PRRC2A: variants seen among roughly 807,000 people sequenced by gnomAD.
PRRC2A encodes the protein protein PRRC2A.
A neutral mutation model predicts 224.6 loss-of-function variants in PRRC2A; 59 were observed. The ratio of observed to expected loss-of-function variants is 0.26; its 90% confidence interval spans 0.21 to 0.33. The LOEUF (loss-of-function observed/expected upper bound fraction) is 0.33, where lower values mean the gene tolerates loss of function less well. Among genes scored for constraint, PRRC2A ranks in the 10% least tolerant of loss-of-function variants. The pLI, the probability that PRRC2A is intolerant of heterozygous loss-of-function variation, is 1.00. For missense variants in PRRC2A, 3,095 were observed against 2,880.7 expected (o/e 1.07, Z -1.70); for synonymous variants, 1,194 against 1,109.5 (o/e 1.08, Z -1.51).
intron 18 of PRRC2A, 91 bp from the exon 19 acceptor site, chr6:31,634,145 A>T: frequency 6.4e-7 from 1 of 1,566,656 alleles, no homozygotes; most frequent in Non-Finnish European, 8.6e-7. Context: ...TGTTGTCCCC[A>T]CACCCTGTGT....
intron 18 of PRRC2A, 109 bp downstream of exon 18, chr6:31,634,098 C>G (rs970492982): frequency 4.1e-5 from 64 of 1,572,052 alleles, no homozygotes; most frequent in Non-Finnish European, 4.6e-5. Context: ...TGTTTTTACT[C>G]CAGAATTCTC....
At chr6:31,621,957 T>A (rs1298885130) in intron 1 of PRRC2A, among the ~76,000 whole-genome samples, 1 of 152,226 alleles carries the variant, frequency 6.6e-6, no homozygotes, top group Non-Finnish European at 1.5e-5. Context: ...CTAAGGTGGC[T>A]CCATAATGCT....
chr6:31,629,095 A>G (rs1776240900), intron 12 of PRRC2A, 49 bp from the exon 13 acceptor site: 2 of 1,577,252 alleles, frequency 1.3e-6, no homozygotes, highest in East Asian at 2.2e-5. Context: ...GTGTTCATGG[A>G]GTGTCTATTG....
At chr6:31,623,048 G>C (rs769107759) in intron 2 of PRRC2A, 147 bp downstream of exon 2, 1 of 793,988 alleles carries the variant, frequency 1.3e-6, no homozygotes, top group East Asian at 2.4e-5. Flanking sequence ...GTCCTTTAAA[G>C]GGGGTGTGGG....
chr6:31,632,760 C>A lies in PRRC2A; in HGVS notation c.4087C>A (p.Pro1363Thr), dbSNP rs1188831338. Residue 1363 changes from proline (P) to threonine (T), a missense_variant, in exon 16 of 31, where the codon CCA (proline) becomes ACA (threonine). Pro to Thr is a conservative substitution (Grantham distance 38). Around this residue, in one of 8 missense-constraint regions of PRRC2A, gnomAD observed 2,001 missense variants for 1,764.9 expected, o/e 1.13. Transcript: ENST00000376033. ...TGGGGGAGGTGGAGGTGGAGCCGTA[C>A]CAGGTATTTCAGCCATGTCCCGCGG... ...TPGGGGGGAV[P>T]GISAMSRGDL... 6.2e-7 allele frequency: 1 copy of A among 1,613,080 alleles called. No homozygotes were observed. The highest frequency in any genetic ancestry group is 8.5e-7 in the Non-Finnish European group (1 of 1,180,000).
In PRRC2A at chr6:31,629,676, T is replaced by C; in HGVS notation, c.2085T>C (p.Ala695=). 1 of 1,604,656 alleles carries C rather than the reference T, an allele frequency of 6.2e-7. No homozygotes were observed. Among genetic ancestry groups the C allele is most frequent in the South Asian group, 1.1e-5 (1 of 90,500 alleles). ...VTLGAVPAPQ[A]PPPPPKALYP... ...TGGGGGCTGTGCCAGCTCCACAGGC[T>C]CCACCCCCGCCCCCCAAGGCCCTGT... Residue 695 remains alanine (A), a synonymous_variant, in exon 14 of 31, where the codon GCT becomes GCC. Transcript: ENST00000376033.
chr6:31,631,325 G>C lies in PRRC2A; in HGVS notation c.2652G>C (p.Glu884Asp), dbSNP rs751449303. The C allele has an allele frequency of 1.2e-6, 2 of 1,603,010 alleles. No individual in the cohort carries two copies. Among genetic ancestry groups the C allele is most frequent in the Admixed American group, 1.8e-5 (1 of 57,068 alleles). The change falls in exon 16 of 31, where the codon GAG (glutamate) becomes GAC (aspartate). Residue 884 changes from glutamate to aspartate, a missense_variant. Glu to Asp is a conservative substitution (Grantham distance 45). This residue lies in a region of PRRC2A where 2,001 missense variants were observed against 1,764.9 expected (regional missense o/e 1.13). Transcript: ENST00000376033. The surrounding 1 kb of genome is among the most constrained non-coding windows in gnomAD (Gnocchi z 4.5). ...AKIQTPPPKK[E>D]PPKEETAQLT... ...TACAAACTCCACCACCCAAGAAGGA[G>C]CCCCCTAAGGAGGAGACTGCACAGC...
At position 31,628,027 on chromosome 6, in the gene PRRC2A, C is replaced by G; in HGVS notation, c.1553C>G (p.Pro518Arg). The change falls in exon 12 of 31, where the codon CCA (proline) becomes CGA (arginine). Residue 518 changes from proline to arginine, a missense_variant. Transcript: ENST00000376033. The stretch of plus-strand genomic sequence containing the variant: ...GCCCCACCTGCTGCCCCTTCTACCC[C>G]AGCTCCACCACCTGCAGTCCCTAAA... ...PAAPPAAPST[P>R]APPPAVPKEL... 1 of 1,612,744 alleles carries G rather than the reference C, an allele frequency of 6.2e-7. No homozygotes were observed. The highest frequency in any genetic ancestry group is 8.5e-7 in the Non-Finnish European group (1 of 1,179,822).
intron 23 of PRRC2A, 32 bp from the exon 24 acceptor site, chr6:31,635,550 A>AC (rs756338331): frequency 6.2e-7 from 1 of 1,611,330 alleles, no homozygotes; most frequent in Admixed American, 1.7e-5. Flanking sequence ...AGGATGCCAG[A>AC]CATCCCTCTC....
chr6:31,635,229 C>T lies in PRRC2A; in HGVS notation c.5258C>T (p.Ser1753Phe). ...RGTEPGPIRPSHRPGPPVQFG... is the reference protein window; with the variant it reads ...RGTEPGPIRPFHRPGPPVQFG... ...ACAGAGCCTGGCCCCATTCGGCCAT[C>T]CCATCGACCTGGTCCCCCAGTCCAG... The change falls in exon 22 of 31, where the codon TCC (serine) becomes TTC (phenylalanine). Residue 1753 changes from serine (S) to phenylalanine (F), a missense_variant. Coordinates refer to ENST00000376033, the MANE Select transcript of PRRC2A (RefSeq NM_004638.4). 5 of 1,614,220 alleles carry T rather than the reference C, an allele frequency of 3.1e-6. No individual in the cohort carries two copies. The highest frequency in any genetic ancestry group is 3.4e-6 in the Non-Finnish European group (4 of 1,180,032).
Position 31,636,720 on chromosome 6 carries a change from TTTC to T in PRRC2A, c.5935-10_5935-8del, listed in dbSNP as rs748958030. 6.2e-6 allele frequency: 10 copies of T among 1,606,836 alleles called. No homozygotes were observed. In the African/African-American group the frequency reaches 1.1e-4, roughly 17 times the overall value. On this transcript the variant is annotated splice_polypyrimidine_tract_variant and intron_variant, in intron 27 of 30. Transcript: ENST00000376033. The surrounding 1 kb of genome is among the most constrained non-coding windows in gnomAD (Gnocchi z 4.3). ...CCTGCCCCCAACATGCACACCCAAA[TTTC>T]TTGTTACAGATGCTTCTACCCATGG...
At chr6:31,635,367 A>T (rs917813595) in intron 22 of PRRC2A, 27 bp from the exon 23 acceptor site, 1 of 1,614,142 alleles carries the variant, frequency 6.2e-7, no homozygotes, top group South Asian at 1.1e-5. Flanking sequence ...TCACGGGACA[A>T]TGTCTCCTGC....
rs774231568 is a variant in PRRC2A, at chr6:31,625,441, T to C, written c.608-19T>C. On this transcript the variant is annotated intron_variant, in intron 6 of 30. Coordinates refer to ENST00000376033, the MANE Select transcript of PRRC2A (RefSeq NM_004638.4). The surrounding 1 kb of genome is among the most constrained non-coding windows in gnomAD (Gnocchi z 4.1). ...TCCTCCAATCATTGATACCTCTCTC[T>C]ACCTTTTCCAAAATACAGATTCTAC... The C allele has an allele frequency of 2.5e-6, 4 of 1,604,814 alleles. No homozygotes were observed. Among genetic ancestry groups the C allele is most frequent in the Non-Finnish European group, 3.4e-6 (4 of 1,172,266 alleles).
chr6:31,635,721 A>C lies in PRRC2A; in HGVS notation c.5513A>C (p.Tyr1838Ser). The C allele has an allele frequency of 6.2e-7, 1 of 1,605,384 alleles. No individual in the cohort carries two copies. Among genetic ancestry groups the C allele is most frequent in the Non-Finnish European group, 8.5e-7 (1 of 1,175,822 alleles). Residue 1838 changes from tyrosine to serine, a missense_variant, in exon 24 of 31, where the codon TAT becomes TCT. Physicochemically the swap from Tyr to Ser is moderately radical, Grantham distance 144. This residue lies in a region of PRRC2A where 662 missense variants were observed against 609.5 expected (regional missense o/e 1.09). Transcript: ENST00000376033. ...CAGCGCCTGTATCCTGAGGTTTTCT[A>C]TGGCAGTGCTGGGCCTTCCAGTTCT... ...SGQRLYPEVF[Y>S]GSAGPSSSQI...
In PRRC2A at chr6:31,634,971, C is replaced by G. The variant is rs1777143671; in HGVS notation, c.5154C>G (p.Asp1718Glu). 6.2e-7 allele frequency: 1 copy of G among 1,612,078 alleles called. No homozygotes were observed. Among genetic ancestry groups the G allele is most frequent in the Non-Finnish European group, 8.5e-7 (1 of 1,179,538 alleles). Reference protein sequence around the residue: ...RRPPPAPHDGDRKELPREQPL... With the variant: ...RRPPPAPHDGERKELPREQPL... ...CACCACCTGCCCCCCACGATGGGGA[C>G]AGAAAGGTAAAAGACCAAAAAAGGA... Residue 1718 changes from aspartate (D) to glutamate (E), a missense_variant, in exon 21 of 31, where the codon GAC becomes GAG. Physicochemically the swap from Asp to Glu is conservative, Grantham distance 45. Coordinates refer to ENST00000376033, the MANE Select transcript of PRRC2A (RefSeq NM_004638.4).
Position 31,625,450 on chromosome 6 carries a change from C to T in PRRC2A, c.608-10C>T, listed in dbSNP as rs767213228. On this transcript the variant is annotated splice_polypyrimidine_tract_variant and intron_variant, in intron 6 of 30. Transcript: ENST00000376033. This position sits in a 1 kb window ranked among gnomAD's most constrained non-coding sequence, Gnocchi z 4.1. ...CATTGATACCTCTCTCTACCTTTTCCAAAATACAGATTCTACAACTTGGAG... is the reference window on the plus strand; with the variant it reads ...CATTGATACCTCTCTCTACCTTTTCTAAAATACAGATTCTACAACTTGGAG... The T allele has an allele frequency of 3.1e-6, 5 of 1,602,662 alleles. No individual in the cohort carries two copies. Among genetic ancestry groups the T allele is most frequent in the Non-Finnish European group, 2.6e-6 (3 of 1,170,936 alleles).
rs769592304 is a variant in PRRC2A, at chr6:31,631,380, G to T, written c.2707G>T (p.Ala903Ser). 8.1e-6 allele frequency: 13 copies of T among 1,605,820 alleles called. No individual in the cohort carries two copies. Among genetic ancestry groups the T allele is most frequent in the Non-Finnish European group, 1.1e-5 (13 of 1,177,208 alleles). The change falls in exon 16 of 31, where the codon GCC becomes TCC. Residue 903 changes from alanine (A) to serine (S), a missense_variant. By Grantham distance (99) the Ala-to-Ser change is moderately conservative. Around this residue, in one of 8 missense-constraint regions of PRRC2A, gnomAD observed 2,001 missense variants for 1,764.9 expected, o/e 1.13. Coordinates refer to ENST00000376033, the MANE Select transcript of PRRC2A (RefSeq NM_004638.4). The surrounding 1 kb of genome is among the most constrained non-coding windows in gnomAD (Gnocchi z 4.5). ...LTGPEAGRKP[A>S]RGVGSGGQGP... ...GGGGCCAGAAGCAGGCCGAAAGCCT[G>T]CCCGCGGAGTCGGGAGTGGAGGCCA...
chr6:31,626,570 AG>A lies in PRRC2A; in HGVS notation c.983-201del, dbSNP rs758108251. Among the ~76,000 whole-genome samples, 530 of 151,476 alleles carry A rather than the reference AG, an allele frequency of 3.5e-3. 6 individuals carry two copies. Among genetic ancestry groups the A allele is most frequent in the East Asian group, 0.013 (65 of 5,172 alleles). On this transcript the variant is annotated intron_variant, in intron 9 of 30. Coordinates refer to ENST00000376033, the MANE Select transcript of PRRC2A (RefSeq NM_004638.4). ...AGACTTTTAAAAGGAAAAAAAAAAA[AG>A]AGTAGGGGAGGATGGATGGGGAATA...
chr6:31,634,407 G>A, intron 19 of PRRC2A, 42 bp downstream of exon 19: 2 of 1,612,202 alleles, frequency 1.2e-6, no homozygotes, highest in Non-Finnish European at 1.7e-6. Flanking sequence ...GAAGGGTTAA[G>A]AATGAGAGGG....
Sources: gnomAD v4.1 joint callset for allele counts (sites outside exome capture counted in the v4.1 genomes callset) on GRCh38, gnomAD v4.1.1 for gene constraint, gnomAD v4.1.1 regional missense constraint, Gnocchi (gnomAD v3.1) non-coding constraint, MANE v1.5 for transcripts, NCBI Gene and HGNC (gene_info 2026-07-23, HGNC 2026-07-21) for gene names.